The following PRAMEF11 variants were observed in gnomAD, a reference collection of about 807,000 sequenced individuals.
The protein encoded by PRAMEF11 is PRAME family member 11.
A neutral mutation model predicts 33.6 loss-of-function variants in PRAMEF11; 17 were observed. That is an observed-to-expected ratio of 0.51 (90% CI 0.35 to 0.76). The LOEUF is 0.76. PRAMEF11 is among the 30% of genes least tolerant of loss of function. The pLI, the probability that PRAMEF11 is intolerant of heterozygous loss-of-function variation, is 0.01. For synonymous variants in PRAMEF11, 205 were observed against 227.3 expected (o/e 0.90, Z 0.88); for missense variants, 568 against 567.0 (o/e 1.00, Z -0.02).
At position 12,824,951 on chromosome 1, in the gene PRAMEF11, G is replaced by T; in HGVS notation, c.1428C>A (p.Tyr476Ter). The T allele has an allele frequency of 2.5e-6, 4 of 1,609,302 alleles. No individual in the cohort carries two copies. The highest frequency in any genetic ancestry group is 3.4e-6 in the Non-Finnish European group (4 of 1,177,680). The change falls in exon 4 of 4, where the codon TAC (tyrosine) becomes TAA (stop). Residue 476 changes from tyrosine (Y) to a stop codon, truncating the protein, a stop_gained. Transcript: ENST00000619922. LOFTEE classifies it high-confidence loss of function. ...CCAAATAGGCAGGCATTCAACAGCA[G>T]TATTGATCTGCCTCCAGGTCATAAA... ...RSFYDLEADQ[Y>*]CC
intron 2 of PRAMEF11, 64 bp downstream of exon 2, chr1:12,828,433 G>A: frequency 6.5e-7 from 1 of 1,527,036 alleles, no homozygotes; most frequent in East Asian, 2.3e-5. Flanking sequence ...CACTTCACAT[G>A]ACCCAGCTGT....
intron 1 of PRAMEF11, 139 bp downstream of exon 1, chr1:12,831,217 T>A (rs1569799557): frequency 1.3e-5 from 2 of 150,824 alleles, no homozygotes; most frequent in African/African-American, 4.9e-5. Context: ...GAGGAAAAAA[T>A]TCAAAGCTTC....
At chr1:12,829,927 G>T (rs1472546952) in intron 1 of PRAMEF11, among the ~76,000 whole-genome samples, 1 of 151,306 alleles carries the variant, frequency 6.6e-6, no homozygotes, top group Non-Finnish European at 1.5e-5. Context: ...AGTTAATCCT[G>T]ATTGGATTTC....
chr1:12,825,831 A>G (rs1189442911), intron 3 of PRAMEF11, among the ~76,000 whole-genome samples: 1 of 150,728 alleles, frequency 6.6e-6, no homozygotes, highest in East Asian at 2.0e-4. Flanking sequence ...AAAATTAGCC[A>G]GGTGTGGTGG....
At chr1:12,829,560 C>T (rs1639963468) in intron 1 of PRAMEF11, among the ~76,000 whole-genome samples, 1 of 151,212 alleles carries the variant, frequency 6.6e-6, no homozygotes, top group Non-Finnish European at 1.5e-5. Flanking sequence ...ATCACCACAC[C>T]CAGCTCATCT....
rs1005450846 is a variant in PRAMEF11 at position 12,827,070 on chromosome 1, T to C, written c.875+179A>G. On this transcript the variant is annotated intron_variant, in intron 3 of 3. Transcript: ENST00000619922. ...CCCCTGACTGATCCCTCTGACTCTA[T>C]TGGGAGGGTTGCATGATACCCATTT... Among the ~76,000 whole-genome samples the C allele has an allele frequency of 7.3e-5, 11 of 151,120 alleles. 1 individual carries two copies. The highest frequency in any genetic ancestry group is 1.2e-4 in the African/African-American group (5 of 41,246).
Position 12,827,285 on chromosome 1 carries a change from A to G in PRAMEF11, c.839T>C (p.Val280Ala). 1 of 1,597,854 alleles carries G rather than the reference A, an allele frequency of 6.3e-7. No individual in the cohort carries two copies. The stretch of plus-strand genomic sequence containing the variant: ...GTCCAGGTGGCCTTCGAGGAAAGAA[A>G]CAGAGTTCATATAAAGCTTTTGGAG... Reference protein sequence around the residue: ...RCLQKLYMNSVSFLEGHLDQL... With the variant: ...RCLQKLYMNSASFLEGHLDQL... The change falls in exon 3 of 4, where the codon GTT (valine) becomes GCT (alanine). Residue 280 changes from valine to alanine, a missense_variant. Physicochemically the swap from Val to Ala is moderately conservative, Grantham distance 64. This residue lies in a region of PRAMEF11 where 52 missense variants were observed against 127.8 expected (regional missense o/e 0.41). Transcript: ENST00000619922.
At chr1:12,825,842 C>T (rs28475541) in intron 3 of PRAMEF11, among the ~76,000 whole-genome samples, 8 of 147,090 alleles carry the variant, frequency 5.4e-5, no homozygotes, top group Non-Finnish European at 9.1e-5. Context: ...GGTGTGGTGG[C>T]GGGAGCCTGC....
In PRAMEF11 at chr1:12,827,111, A is replaced by C. The variant is rs565990885; in HGVS notation, c.875+138T>G. ...ATACCCATTTCAGGACAGGGCCGCCAACAGGACAATGCATGGACATTCTAG... is the reference window on the plus strand; with the variant it reads ...ATACCCATTTCAGGACAGGGCCGCCCACAGGACAATGCATGGACATTCTAG... On this transcript the variant is annotated intron_variant, in intron 3 of 3. Coordinates refer to ENST00000619922, the MANE Select transcript of PRAMEF11 (RefSeq NM_001146344.3). 7.0e-4 allele frequency: 1,084 copies of C among 1,542,350 alleles called. 10 individuals are homozygous for C. In the South Asian group the frequency reaches 0.01, roughly 15 times the overall value.
rs1203789721 is a variant in PRAMEF11 at position 12,828,947 on chromosome 1, G to C, written c.-16-142C>G. 1.3e-5 allele frequency: 15 copies of C among 1,177,148 alleles called. No individual in the cohort carries two copies. In the South Asian group the frequency reaches 1.5e-4, roughly 12 times the overall value. 72.9% of individuals were successfully genotyped at this position (1,177,148 alleles called of 1,614,324 possible). ...CTCCAATTCTACTCTGTACTCAGTG[G>C]CCATTAAGCCAGCATTCTGCCTCTG... On this transcript the variant is annotated intron_variant, in intron 1 of 3. Coordinates refer to ENST00000619922, the MANE Select transcript of PRAMEF11 (RefSeq NM_001146344.3).
At position 12,828,741 on chromosome 1, in the gene PRAMEF11, G is replaced by A. The variant is rs749201357; in HGVS notation, c.49C>T (p.Arg17Trp). The change falls in exon 2 of 4, where the codon CGG (arginine) becomes TGG (tryptophan). Residue 17 changes from arginine to tryptophan, a missense_variant. This residue lies in a region of PRAMEF11 where 342 missense variants were observed against 312.0 expected (regional missense o/e 1.10). Transcript: ENST00000619922. ...IPPRLLELAG[R>W]SLLRDQALAV... ...AAGGCTTGGTCCCTCAGCAGGCTCCGCCCCGCAAGCTCCAGGAGTCTGGGT... is the reference window on the plus strand; with the variant it reads ...AAGGCTTGGTCCCTCAGCAGGCTCCACCCCGCAAGCTCCAGGAGTCTGGGT... 7.5e-6 allele frequency: 12 copies of A among 1,609,936 alleles called. 1 individual carries two copies. Among genetic ancestry groups the A allele is most frequent in the Middle Eastern group, 3.5e-4 (2 of 5,790 alleles).
chr1:12,831,393 G>T lies in PRAMEF11; in HGVS notation c.-54C>A, dbSNP rs1217995139. The T allele has an allele frequency of 1.3e-5, 2 of 151,046 alleles. No homozygotes were observed. The highest frequency in any genetic ancestry group is 3.0e-5 in the Non-Finnish European group (2 of 67,746). The allele number at this position is 151,046 out of a possible 1,614,324, so 9.4% of individuals were successfully genotyped here. On this transcript the variant is annotated 5_prime_UTR_variant, in exon 1 of 4. It adds an upstream start codon to the 5' untranslated region. Coordinates refer to ENST00000619922, the MANE Select transcript of PRAMEF11 (RefSeq NM_001146344.3). ...TAGTCTAGAAGGTGCTCAGACCTCA[G>T]GAAGAACCAAGCAGGAACTCCAGGC...
intron 2 of PRAMEF11, among the ~76,000 whole-genome samples, 155 bp downstream of exon 2, chr1:12,828,342 G>C (rs1219287029): frequency 6.7e-6 from 1 of 148,892 alleles, no homozygotes; most frequent in East Asian, 2.0e-4. Flanking sequence ...CTTGCCTGGT[G>C]AGCAGTGCTT....
chr1:12,827,423 C>T lies in PRAMEF11; in HGVS notation c.701G>A (p.Arg234Lys). The T allele has an allele frequency of 1.2e-6, 2 of 1,607,476 alleles. No individual in the cohort carries two copies. Among genetic ancestry groups the T allele is most frequent in the Middle Eastern group, 1.7e-4 (1 of 5,960 alleles). The change falls in exon 3 of 4, where the codon AGG becomes AAG. Residue 234 changes from arginine (R) to lysine (K), a missense_variant. This residue lies in a region of PRAMEF11 where 342 missense variants were observed against 312.0 expected (regional missense o/e 1.10). Coordinates refer to ENST00000619922, the MANE Select transcript of PRAMEF11 (RefSeq NM_001146344.3). ...TQFTPYLGHL[R>K]NLQKLVLSHM... ...GGAGAGAACGAGCTTCTGAAGATTC[C>T]TCAAGTGGCCCAGGTATGGGGTAAA...
At position 12,827,719 on chromosome 1, in the gene PRAMEF11, T is replaced by G; in HGVS notation, c.405A>C (p.Lys135Asn). Reference sequence around the variant, plus strand: ...TCATCCTTGGACAGTCCTGCACTGGTTTTTTGTTCCTCTTGGCATTGAGGA... The same window carrying G: ...TCATCCTTGGACAGTCCTGCACTGGGTTTTTGTTCCTCTTGGCATTGAGGA... ...GCFLNAKRNK[K>N]PVQDCPRMRG... The change falls in exon 3 of 4, where the codon AAA (lysine) becomes AAC (asparagine). Residue 135 changes from lysine (K) to asparagine (N), a missense_variant. Around this residue, in one of 3 missense-constraint regions of PRAMEF11, gnomAD observed 342 missense variants for 312.0 expected, o/e 1.10. Coordinates refer to ENST00000619922, the MANE Select transcript of PRAMEF11 (RefSeq NM_001146344.3). 1.9e-6 allele frequency: 3 copies of G among 1,609,974 alleles called. No homozygotes were observed. The highest frequency in any genetic ancestry group is 2.5e-6 in the Non-Finnish European group (3 of 1,178,100).
intron 1 of PRAMEF11, 77 bp from the exon 2 acceptor site, chr1:12,828,882 A>T: frequency 6.3e-7 from 1 of 1,588,222 alleles, no homozygotes; most frequent in Non-Finnish European, 8.6e-7. Flanking sequence ...CCCAGGGCCA[A>T]AGTCACTGCT....
At chr1:12,827,052 C>G (rs1356890672) in intron 3 of PRAMEF11, among the ~76,000 whole-genome samples, 197 bp downstream of exon 3, 1 of 151,266 alleles carries the variant, frequency 6.6e-6, no homozygotes, top group Non-Finnish European at 1.5e-5. Flanking sequence ...TCTCCCCTGA[C>G]TGATCCCTCT....
In PRAMEF11 at chr1:12,827,648, T is replaced by A. The variant is rs747257937; in HGVS notation, c.476A>T (p.Asn159Ile). The change falls in exon 3 of 4, where the codon AAC (asparagine) becomes ATC (isoleucine). Residue 159 changes from asparagine to isoleucine, a missense_variant. Asn to Ile is a moderately radical substitution (Grantham distance 149). Coordinates refer to ENST00000619922, the MANE Select transcript of PRAMEF11 (RefSeq NM_001146344.3). ...LTVFVELWLK[N>I]RTLDEYLTCL... ...GGTGAGGTATTCATCCAGAGTCCTG[T>A]TCTTGAGCCAAAGTTCTACAAACAC... is the stretch of plus-strand genomic sequence containing the variant. 5.6e-6 allele frequency: 9 copies of A among 1,609,526 alleles called. 1 individual carries two copies. Among genetic ancestry groups the A allele is most frequent in the Admixed American group, 1.7e-5 (1 of 59,610 alleles).
In PRAMEF11 at chr1:12,825,092, G is replaced by C; in HGVS notation, c.1287C>G (p.Cys429Trp). The C allele has an allele frequency of 6.2e-7, 1 of 1,609,714 alleles. No homozygotes were observed. Among genetic ancestry groups the C allele is most frequent in the African/African-American group, 1.3e-5 (1 of 74,816 alleles). ...CCCTAATTTGAGCAAATCTGCTCCAGCAGAGAGTACCATCAGCACCATAAC... is the reference window on the plus strand; with the variant it reads ...CCCTAATTTGAGCAAATCTGCTCCACCAGAGAGTACCATCAGCACCATAAC... ...QESYGADGTL[C>W]WSRFAQIRAE... is the part of the protein sequence containing the mutation. Residue 429 changes from cysteine (C) to tryptophan (W), a missense_variant, in exon 4 of 4, where the codon TGC (cysteine) becomes TGG (tryptophan). Cys to Trp is a radical substitution (Grantham distance 215). Transcript: ENST00000619922.
Sources: allele counts gnomAD v4.1 joint callset (sites outside exome capture counted in the v4.1 genomes callset), GRCh38; gene constraint gnomAD v4.1.1; regional missense constraint gnomAD v4.1.1; transcripts MANE v1.5; gene names NCBI Gene and HGNC (gene_info 2026-07-23, HGNC 2026-07-21).